Variants in HS3ST5 observed in about 807,000 individuals in gnomAD.
HS3ST5 encodes heparan sulfate-glucosamine 3-sulfotransferase 5, also known as heparan sulfate glucosamine 3-O-sulfotransferase 5.
In HS3ST5, 10 loss-of-function variants were observed where a neutral mutation model predicts 25.4. The ratio of observed to expected loss-of-function variants is 0.39; its 90% CI spans 0.24 to 0.67. The LOEUF (loss-of-function observed/expected upper bound fraction) is 0.67. Ranked by LOEUF, HS3ST5 falls within the 30% of genes least tolerant of loss-of-function variation. The pLI, the probability that HS3ST5 is intolerant of heterozygous loss-of-function variation, is 0.44. For missense variants in HS3ST5, 324 were observed against 420.7 expected (o/e 0.77, Z 2.01); for synonymous variants, 170 against 162.4 (o/e 1.05, Z -0.36).
intron 2 of HS3ST5, among the ~76,000 whole-genome samples, chr6:114,209,091 G>A (rs555223158): frequency 1.3e-5 from 2 of 152,260 alleles, no homozygotes; most frequent in African/African-American, 4.8e-5. Context: ...TGTGGGGGCT[G>A]TGGAATCTGG....
intron 2 of HS3ST5, among the ~76,000 whole-genome samples, chr6:114,176,166 AC>A (rs1388147585): frequency 3.0e-5 from 2 of 66,176 alleles, no homozygotes; most frequent in Admixed American, 3.0e-4. Context: ...CCCCACCCCC[AC>A]CCCTTTCCAA....
intron 1 of HS3ST5, among the ~76,000 whole-genome samples, chr6:114,261,513 T>C (rs562946650): frequency 2.6e-5 from 4 of 152,288 alleles, no homozygotes; most frequent in Admixed American, 6.5e-5. Context: ...TGGTGACAAT[T>C]AGTCATATGA....
At chr6:114,076,320 C>T (rs549967766) in intron 3 of HS3ST5, among the ~76,000 whole-genome samples, 1 of 152,296 alleles carries the variant, frequency 6.6e-6, no homozygotes, top group South Asian at 2.1e-4. Context: ...CTCTGGGCCC[C>T]AAATTCTCTT....
chr6:114,203,637 C>T (rs73767069), intron 2 of HS3ST5, among the ~76,000 whole-genome samples: 109 of 152,282 alleles, frequency 7.2e-4, no homozygotes, highest in African/African-American at 2.6e-3. Flanking sequence ...ATGAAGTCAA[C>T]TGGTCCTGTG....
chr6:114,262,604 T>C (rs1773228264), intron 1 of HS3ST5, among the ~76,000 whole-genome samples: 1 of 152,164 alleles, frequency 6.6e-6, no homozygotes, highest in African/African-American at 2.4e-5. Context: ...ACTGATGTAC[T>C]TCCTCTCACT....
At chr6:114,096,995 A>G (rs192954287) in intron 3 of HS3ST5, among the ~76,000 whole-genome samples, 14 of 152,246 alleles carry the variant, frequency 9.2e-5, no homozygotes. Flanking sequence ...AAAGAAAGGA[A>G]TAATGTGCTT....
chr6:114,133,942 A>C (rs553223700), intron 3 of HS3ST5, among the ~76,000 whole-genome samples: 2 of 152,052 alleles, frequency 1.3e-5, no homozygotes, highest in Non-Finnish European at 2.9e-5. Flanking sequence ...CTGGGATGTG[A>C]TAGACACCAC....
rs200926488 is a variant in HS3ST5 at position 114,179,696 on chromosome 6, GA to G, written c.-144-11235del. 7.5e-3 allele frequency among the ~76,000 whole-genome samples: 1,063 copies of G among 141,374 alleles called. 16 individuals are homozygous for G. The highest frequency in any genetic ancestry group is 0.027 in the African/African-American group (1,014 of 37,738). The allele number at this position is 141,374 out of a possible 152,430, so 92.7% of individuals were successfully genotyped here. ...TTTTTTAGAGGAATGGAACTAATAG[GA>G]AAGGGAGTTTATTAAGGAGAATTGA... On this transcript the variant is annotated intron_variant, in intron 2 of 4. Coordinates refer to ENST00000312719, the MANE Select transcript of HS3ST5 (RefSeq NM_153612.4).
At chr6:114,268,242 C>T (rs1403899544) in intron 1 of HS3ST5, among the ~76,000 whole-genome samples, 10 of 152,058 alleles carry the variant, frequency 6.6e-5, no homozygotes, top group East Asian at 1.9e-4. Flanking sequence ...ATCAGGTATA[C>T]GGGTTTACTC....
chr6:114,158,982 A>G (rs1778819162), intron 3 of HS3ST5, among the ~76,000 whole-genome samples: 1 of 152,244 alleles, frequency 6.6e-6, no homozygotes, highest in African/African-American at 2.4e-5. Context: ...AAAACCAAAT[A>G]GCAGATTCTC....
intron 1 of HS3ST5, among the ~76,000 whole-genome samples, chr6:114,273,159 AAG>A (rs1475380382): frequency 6.6e-6 from 1 of 152,092 alleles, no homozygotes; most frequent in East Asian, 1.9e-4. Flanking sequence ...TGGCAAAAGA[AAG>A]AGTGATAATG....
chr6:114,212,209 A>T (rs1781537831), intron 2 of HS3ST5, among the ~76,000 whole-genome samples: 1 of 152,226 alleles, frequency 6.6e-6, no homozygotes, highest in Non-Finnish European at 1.5e-5. Flanking sequence ...CCTCTCTAGG[A>T]TACACAGAGC....
At chr6:114,177,590 C>CTTT (rs1234715256) in intron 2 of HS3ST5, among the ~76,000 whole-genome samples, 50 of 152,230 alleles carry the variant, frequency 3.3e-4, no homozygotes, top group Non-Finnish European at 4.4e-5. Flanking sequence ...TTTGTCAGCA[C>CTTT]TTTATTGGTT....
intron 1 of HS3ST5, among the ~76,000 whole-genome samples, chr6:114,332,930 G>A (rs1776461853): frequency 6.6e-6 from 1 of 152,152 alleles, no homozygotes. Flanking sequence ...TTGCAGAGGA[G>A]TGACAGAAGT....
intron 3 of HS3ST5, among the ~76,000 whole-genome samples, chr6:114,084,991 CT>C (rs1774720367): frequency 1.3e-5 from 2 of 151,944 alleles, no homozygotes; most frequent in Non-Finnish European, 1.5e-5. Flanking sequence ...ACCACCACCC[CT>C]GGCTAATTTT....
intron 3 of HS3ST5, among the ~76,000 whole-genome samples, chr6:114,063,894 G>A (rs905282754): frequency 1.3e-5 from 2 of 152,154 alleles, no homozygotes; most frequent in African/African-American, 4.8e-5. Flanking sequence ...GACAGGTTTG[G>A]TGATATTGGT....
intron 2 of HS3ST5, among the ~76,000 whole-genome samples, chr6:114,176,415 G>A (rs890024609): frequency 3.3e-5 from 5 of 152,088 alleles, no homozygotes; most frequent in East Asian, 1.9e-4. Context: ...AAATGCTGTC[G>A]AAAATAAAAA....
chr6:114,262,632 T>C lies in HS3ST5; in HGVS notation c.-338-33854A>G, dbSNP rs867823882. On this transcript the variant is annotated intron_variant, in intron 1 of 4. Coordinates refer to ENST00000312719, the MANE Select transcript of HS3ST5 (RefSeq NM_153612.4). The stretch of plus-strand genomic sequence containing the variant: ...CTCTCACTTTAAAATGAAATGAAAA[T>C]GTCTTAGAATATTGCAAATATATTT... 2.0e-5 allele frequency among the ~76,000 whole-genome samples: 3 copies of C among 152,200 alleles called. No homozygotes were observed. The South Asian group carries it at 6.2e-4, about 32-fold the overall frequency.
chr6:114,289,965 TATA>T (rs895340377), intron 1 of HS3ST5, among the ~76,000 whole-genome samples: 129 of 152,282 alleles, frequency 8.5e-4, no homozygotes, highest in African/African-American at 3.0e-3. Context: ...AGATTTCTTT[TATA>T]ATAATGATTA....
Sources: allele counts gnomAD v4.1 joint callset (sites outside exome capture counted in the v4.1 genomes callset), GRCh38; gene constraint gnomAD v4.1.1; transcripts MANE v1.5; gene names NCBI Gene and HGNC (gene_info 2026-07-23, HGNC 2026-07-21).